The following XPR1 variants were observed in gnomAD, a reference collection of about 807,000 sequenced individuals.
XPR1 encodes the protein xenotropic and polytropic retrovirus receptor 1.
Under a neutral mutation model 87.5 loss-of-function variants are expected in XPR1, and 28 were observed. The observed-to-expected ratio is 0.32, with a 90% CI of 0.24 to 0.44. The LOEUF (loss-of-function observed/expected upper bound fraction) is 0.44, where lower values mean the gene tolerates loss of function less well. Among genes scored for constraint, XPR1 ranks in the 20% least tolerant of loss-of-function variants. XPR1 has a pLI of 1.00. For synonymous variants in XPR1, 300 were observed against 306.1 expected (o/e 0.98, Z 0.21); for missense variants, 559 against 862.3 (o/e 0.65, Z 4.41).
chr1:180,743,362 A>G (rs1658982820), intron 2 of XPR1, among the ~76,000 whole-genome samples: 1 of 151,872 alleles, frequency 6.6e-6, no homozygotes, highest in South Asian at 2.1e-4. Context: ...TCTATTTAGG[A>G]TTAATATTTT....
At chr1:180,720,722 A>T (rs867954387) in intron 2 of XPR1, among the ~76,000 whole-genome samples, 1 of 152,168 alleles carries the variant, frequency 6.6e-6, no homozygotes, top group Non-Finnish European at 1.5e-5. Flanking sequence ...CGGTGTTTTA[A>T]CGAGGTCTTC....
chr1:180,707,721 A>G (rs959325271), intron 2 of XPR1, among the ~76,000 whole-genome samples: 2 of 152,222 alleles, frequency 1.3e-5, no homozygotes, highest in African/African-American at 4.8e-5. Context: ...ACACCTTGGT[A>G]GAAGAGAAGT....
chr1:180,673,244 T>C (rs916941796), intron 1 of XPR1, among the ~76,000 whole-genome samples: 3 of 152,174 alleles, frequency 2.0e-5, no homozygotes, highest in Non-Finnish European at 4.4e-5. Context: ...TTGTTCTCAT[T>C]GAATATACAT....
chr1:180,666,871 T>A (rs1226165506), intron 1 of XPR1, among the ~76,000 whole-genome samples: 2 of 152,138 alleles, frequency 1.3e-5, no homozygotes, highest in Non-Finnish European at 2.9e-5. Flanking sequence ...ATGATGAAAA[T>A]GGGCATCTTT....
intron 2 of XPR1, among the ~76,000 whole-genome samples, chr1:180,769,542 T>A (rs1648425187): frequency 6.6e-6 from 1 of 152,012 alleles, no homozygotes; most frequent in Admixed American, 6.6e-5. Flanking sequence ...AATGTTTGTG[T>A]TTCTGTGCCT....
chr1:180,858,537 A>C (rs1300851348), intron 11 of XPR1, among the ~76,000 whole-genome samples: 4 of 151,772 alleles, frequency 2.6e-5, no homozygotes, highest in Admixed American at 1.3e-4. Context: ...TGTCTAGTAC[A>C]AAATGTTCCT....
At chr1:180,757,791 G>T (rs528868769) in intron 2 of XPR1, among the ~76,000 whole-genome samples, 1 of 146,946 alleles carries the variant, frequency 6.8e-6, no homozygotes, top group South Asian at 2.2e-4. Context: ...TGGGATTGCA[G>T]GTGTGAGTCC....
chr1:180,742,524 G>C (rs1210196039), intron 2 of XPR1, among the ~76,000 whole-genome samples: 2 of 152,060 alleles, frequency 1.3e-5, no homozygotes, highest in African/African-American at 4.8e-5. Flanking sequence ...AATTTGGTAA[G>C]GCTTATTTTA....
At chr1:180,716,674 A>G (rs912317827) in intron 2 of XPR1, among the ~76,000 whole-genome samples, 1 of 152,150 alleles carries the variant, frequency 6.6e-6, no homozygotes, top group African/African-American at 2.4e-5. Flanking sequence ...CTGATTGTCA[A>G]ATTGGTAATG....
At chr1:180,704,245 G>GATATATATATATATATATATATATATA in intron 2 of XPR1, among the ~76,000 whole-genome samples, 1 of 66,028 alleles carries the variant, frequency 1.5e-5, no homozygotes, top group South Asian at 5.4e-4. Context: ...ATAGGTGCTG[G>GATATATATATATATATATATATATATA]ATATATATAT....
intron 1 of XPR1, among the ~76,000 whole-genome samples, chr1:180,674,819 A>T (rs1656312166): frequency 6.6e-6 from 1 of 152,210 alleles, no homozygotes; most frequent in Non-Finnish European, 1.5e-5. Context: ...TACTTGTAGA[A>T]TTACATCACA....
intron 2 of XPR1, among the ~76,000 whole-genome samples, chr1:180,746,761 A>C (rs1336442068): frequency 6.6e-6 from 1 of 152,204 alleles, no homozygotes; most frequent in Admixed American, 6.5e-5. Context: ...AAAACCAAAC[A>C]GATGAGCAAA....
chr1:180,681,033 T>G (rs1460339732), intron 1 of XPR1, among the ~76,000 whole-genome samples: 1 of 152,080 alleles, frequency 6.6e-6, no homozygotes, highest in Admixed American at 6.5e-5. Context: ...TAAAAAGTAG[T>G]GCAGAGAATA....
intron 3 of XPR1, among the ~76,000 whole-genome samples, chr1:180,795,836 C>T (rs1649551949): frequency 6.6e-6 from 1 of 152,102 alleles, no homozygotes; most frequent in Admixed American, 6.6e-5. Context: ...GAGACGGAGT[C>T]TTGCTTTGTC....
intron 13 of XPR1, 141 bp from the exon 14 acceptor site, chr1:180,879,935 A>G (rs1195053589): frequency 1.2e-6 from 1 of 818,616 alleles, no homozygotes; most frequent in Non-Finnish European, 1.9e-6. Context: ...CCGCAACACC[A>G]TCTTTCCCTA....
intron 2 of XPR1, among the ~76,000 whole-genome samples, chr1:180,711,058 C>A (rs1173603717): frequency 6.7e-6 from 1 of 149,836 alleles, no homozygotes; most frequent in African/African-American, 2.5e-5. Flanking sequence ...TCAGACGGGG[C>A]GGCCGGGCAG....
At chr1:180,878,558 A>G (rs1021765404) in intron 13 of XPR1, among the ~76,000 whole-genome samples, 7 of 152,226 alleles carry the variant, frequency 4.6e-5, no homozygotes, top group Admixed American at 2.0e-4. Flanking sequence ...CTTAGGAAGT[A>G]GGTGCTGTTA....
rs551034908 is a variant in XPR1, at chr1:180,657,467, A to G, written c.70-24893A>G. Among the ~76,000 whole-genome samples, 9 of 152,180 alleles carry G rather than the reference A, an allele frequency of 5.9e-5. 1 individual carries two copies. In the South Asian group the frequency reaches 1.9e-3, roughly 32 times the overall value. ...TAATCCACTTTTATTTGATTTTTGT[A>G]TATGGTGAGAGATGGGGTCTAGTTT... is the stretch of plus-strand genomic sequence containing the variant. On this transcript the variant is annotated intron_variant, in intron 1 of 14. Coordinates refer to ENST00000367590, the MANE Select transcript of XPR1 (RefSeq NM_004736.4).
chr1:180,638,035 C>T lies in XPR1; in HGVS notation c.69+5765C>T, dbSNP rs990019302. 4.3e-4 allele frequency among the ~76,000 whole-genome samples: 65 copies of T among 151,728 alleles called. 3 individuals are homozygous for T. Among genetic ancestry groups the T allele is most frequent in the Non-Finnish European group, 2.9e-5 (2 of 67,952 alleles). On this transcript the variant is annotated intron_variant, in intron 1 of 14. Transcript: ENST00000367590. ...GAACTGGACCTTTGAAACACTGTAT[C>T]ATAAAATGTTAAATGAAGGTTTTAT...
Sources: allele counts gnomAD v4.1 joint callset (sites outside exome capture counted in the v4.1 genomes callset), GRCh38; gene constraint gnomAD v4.1.1; transcripts MANE v1.5; gene names NCBI Gene and HGNC (gene_info 2026-07-23, HGNC 2026-07-21).